ATP7B: variants seen among roughly 807,000 people sequenced by gnomAD.
ATP7B encodes copper-transporting ATPase 2.
ATP7B carries 113 observed loss-of-function variants against 118.9 expected under a neutral mutation model. The observed-to-expected ratio is 0.95, with a 90% CI of 0.82 to 1.11. ATP7B has a LOEUF of 1.11. ATP7B is among the 50% of genes most tolerant of loss of function. ATP7B has a pLI of 0.00. For missense variants in ATP7B, 1,867 were observed against 1,871.4 expected, an observed-to-expected ratio of 1.00 and a Z score of 0.04; for synonymous variants, 777 against 727.4, an observed-to-expected ratio of 1.07 and a Z score of -1.10.
chr13:51,946,746 A>T (rs934733287), intron 12 of ATP7B, among the ~76,000 whole-genome samples: 1 of 152,220 alleles, frequency 6.6e-6, no homozygotes, highest in African/African-American at 2.4e-5. Context: ...AGGGGAAAGC[A>T]GACTCTGGAG....
At chr13:51,985,363 C>T (rs1281217781) in intron 1 of ATP7B, among the ~76,000 whole-genome samples, 1 of 152,150 alleles carries the variant, frequency 6.6e-6, no homozygotes, top group Non-Finnish European at 1.5e-5. Flanking sequence ...ACAAGAAGAG[C>T]TAACTATCCT....
chr13:52,000,841 T>A (rs939341975), intron 1 of ATP7B, among the ~76,000 whole-genome samples: 9 of 152,082 alleles, frequency 5.9e-5, no homozygotes, highest in African/African-American at 2.2e-4. Context: ...GGCAACATAG[T>A]GAGACACCAT....
intron 9 of ATP7B, among the ~76,000 whole-genome samples, chr13:51,955,358 G>T (rs1000320202): frequency 6.6e-6 from 1 of 152,178 alleles, no homozygotes; most frequent in Non-Finnish European, 1.5e-5. Context: ...GGTTGGGCTC[G>T]GGGTGTGCTG....
At chr13:51,944,575 G>GT (rs1172535126) in intron 13 of ATP7B, among the ~76,000 whole-genome samples, 1 of 152,140 alleles carries the variant, frequency 6.6e-6, no homozygotes, top group Non-Finnish European at 1.5e-5. Flanking sequence ...GCACAGCACT[G>GT]TCCCCCAGAC....
chr13:52,011,998 G>A (rs1031375053), upstream of ATP7B: 6 of 324,358 alleles, frequency 1.8e-5, no homozygotes, highest in South Asian at 2.9e-5. Flanking sequence ...GGAAGCAACC[G>A]CGGCAAGAGT....
intron 9 of ATP7B, among the ~76,000 whole-genome samples, chr13:51,953,850 G>GAAAAAAAAAAAAAAA (rs1958160664): frequency 6.3e-5 from 2 of 31,728 alleles, no homozygotes; most frequent in Non-Finnish European, 1.5e-4. Context: ...CCCATCAATT[G>GAAAAAAAAAAAAAAA]TAAAAAAAAA....
At chr13:51,986,609 C>G (rs1347909000) in intron 1 of ATP7B, among the ~76,000 whole-genome samples, 32 of 151,960 alleles carry the variant, frequency 2.1e-4, no homozygotes, top group Non-Finnish European at 1.9e-4. Context: ...AGAGATAGAA[C>G]AAAAAAAGAA....
chr13:51,953,868 A>AAAAAAAAAAAAAAAC (rs1461098056), intron 9 of ATP7B, among the ~76,000 whole-genome samples: 11 of 148,302 alleles, frequency 7.4e-5, no homozygotes, highest in African/African-American at 2.5e-4. Flanking sequence ...AAAAAAAAAA[A>AAAAAAAAAAAAAAAC]CCAGAAAATT....
intron 1 of ATP7B, among the ~76,000 whole-genome samples, chr13:52,009,783 T>A (rs1320127558): frequency 6.6e-6 from 1 of 152,202 alleles, no homozygotes; most frequent in South Asian, 2.1e-4. Flanking sequence ...CCTACCTAAA[T>A]CCCCAGTGTC....
At chr13:52,007,562 T>C (rs1566678913) in intron 1 of ATP7B, among the ~76,000 whole-genome samples, 2 of 152,202 alleles carry the variant, frequency 1.3e-5, no homozygotes, top group Non-Finnish European at 2.9e-5. Context: ...GGGGTTTTTC[T>C]TCACACCAAC....
chr13:51,946,213 TCTCA>T, intron 13 of ATP7B, 67 bp downstream of exon 13: 1 of 1,527,100 alleles, frequency 6.5e-7, no homozygotes, highest in Non-Finnish European at 8.8e-7. Context: ...CAGGCTTTTC[TCTCA>T]ATGTGAAATA....
chr13:51,986,316 A>G (rs1422547184), intron 1 of ATP7B, among the ~76,000 whole-genome samples: 1 of 152,256 alleles, frequency 6.6e-6, no homozygotes, highest in Non-Finnish European at 1.5e-5. Context: ...AAAATCTAGA[A>G]GAAATGGATA....
At chr13:52,010,440 G>A (rs1953966614) in intron 1 of ATP7B, among the ~76,000 whole-genome samples, 1 of 152,184 alleles carries the variant, frequency 6.6e-6, no homozygotes, top group African/African-American at 2.4e-5. Context: ...ACTTGCAAGA[G>A]AGAGAGAAAA....
intron 6 of ATP7B, among the ~76,000 whole-genome samples, chr13:51,960,996 C>A (rs1274463130): frequency 6.6e-6 from 1 of 151,982 alleles, no homozygotes; most frequent in African/African-American, 2.4e-5. Context: ...TACCCAAGAA[C>A]CAGACCCCCA....
Position 51,964,765 on chromosome 13 carries a change from T to C in ATP7B, c.1869+107A>G, listed in dbSNP as rs995979474. On this transcript the variant is annotated intron_variant, in intron 5 of 20. Coordinates refer to ENST00000242839, the MANE Select transcript of ATP7B (RefSeq NM_000053.4). ...TATTTCCATGGGAAAAGTTGAAGAA[T>C]TTTGGTTATTTTCATTTTTTCTTAG... The C allele has an allele frequency of 2.6e-5, 35 of 1,339,970 alleles. 1 individual carries two copies. The highest frequency in any genetic ancestry group is 4.8e-4 in the Middle Eastern group (2 of 4,200). 83.0% of individuals were successfully genotyped at this position (1,339,970 alleles called of 1,614,324 possible).
chr13:51,949,793 G>T lies in ATP7B; in HGVS notation c.2734C>A (p.Pro912Thr). The T allele has an allele frequency of 6.2e-7, 1 of 1,613,908 alleles. No individual in the cohort carries two copies. The highest frequency in any genetic ancestry group is 8.5e-7 in the Non-Finnish European group (1 of 1,180,030). Residue 912 changes from proline (P) to threonine (T), a missense_variant, in exon 12 of 21, where the codon CCC (proline) becomes ACC (threonine). Physicochemically the swap from Pro to Thr is conservative, Grantham distance 38. Transcript: ENST00000242839. ...AACCGGTCAGCCAGCTGCTGAATGG[G>T]TGCCTATGAAAATAAAACACCAAGA... ...LVEEAQMSKA[P>T]IQQLADRFSG...
intron 3 of ATP7B, among the ~76,000 whole-genome samples, chr13:51,969,208 G>A (rs533630674): frequency 1.1e-4 from 16 of 151,874 alleles, no homozygotes; most frequent in African/African-American, 3.4e-4. Flanking sequence ...GAAGAACAAT[G>A]CTTCTCAAAC....
chr13:51,965,085 G>A (rs1951480063), intron 4 of ATP7B, 52 bp from the exon 5 acceptor site: 1 of 1,609,230 alleles, frequency 6.2e-7, no homozygotes, highest in African/African-American at 1.3e-5. Flanking sequence ...AGGAAAGCCT[G>A]TGAAAGCCAG....
At chr13:51,954,247 G>A (rs561383353) in intron 9 of ATP7B, among the ~76,000 whole-genome samples, 12 of 152,364 alleles carry the variant, frequency 7.9e-5, no homozygotes, top group Middle Eastern at 3.4e-3. Context: ...GTGGTGCAGG[G>A]CAGCTGGAGC....
Sources: gnomAD v4.1 joint callset for allele counts (sites outside exome capture counted in the v4.1 genomes callset) on GRCh38, gnomAD v4.1.1 for gene constraint, MANE v1.5 for transcripts, NCBI Gene and HGNC (gene_info 2026-07-23, HGNC 2026-07-21) for gene names.